Variants in NRG1 observed in about 807,000 individuals in gnomAD.
NRG1 encodes the protein pro-neuregulin-1, membrane-bound isoform.
A neutral mutation model predicts 63.8 loss-of-function variants in NRG1; 18 were observed. That is an observed-to-expected ratio of 0.28 (90% confidence interval 0.19 to 0.42). The LOEUF (loss-of-function observed/expected upper bound fraction) is 0.42, where lower values mean the gene tolerates loss of function less well. Ranked by LOEUF, NRG1 falls within the 10% of genes least tolerant of loss-of-function variation. The pLI is 1.00. For missense variants in NRG1, 762 were observed against 814.7 expected, an observed-to-expected ratio of 0.94 and a Z score of 0.79; for synonymous variants, 302 against 301.3, an observed-to-expected ratio of 1.00 and a Z score of -0.02.
At chr8:31,995,623 C>T (rs1256328411) in intron 1 of NRG1, among the ~76,000 whole-genome samples, 3 of 151,682 alleles carry the variant, frequency 2.0e-5, no homozygotes, top group East Asian at 2.0e-4. Flanking sequence ...GATCGTTGGG[C>T]GGGGAGGGGG....
At chr8:32,402,868 A>G (rs1184172920) in intron 1 of NRG1, among the ~76,000 whole-genome samples, 2 of 152,222 alleles carry the variant, frequency 1.3e-5, no homozygotes, top group African/African-American at 4.8e-5. Flanking sequence ...GGTTTCAGGC[A>G]TCCACTGGGT....
intron 1 of NRG1, among the ~76,000 whole-genome samples, chr8:32,208,383 G>A (rs2132357419): frequency 6.6e-6 from 1 of 151,156 alleles, no homozygotes; most frequent in Admixed American, 6.6e-5. Flanking sequence ...TCAGCCTCCC[G>A]AGTAGCTGGA....
chr8:31,892,452 G>T (rs1016694871), intron 1 of NRG1, among the ~76,000 whole-genome samples: 1 of 151,990 alleles, frequency 6.6e-6, no homozygotes, highest in Non-Finnish European at 1.5e-5. Flanking sequence ...CAGATAAATT[G>T]GTATCTGTGT....
chr8:32,533,349 G>T (rs1255308905), intron 1 of NRG1, among the ~76,000 whole-genome samples: 2 of 151,894 alleles, frequency 1.3e-5, no homozygotes, highest in Admixed American at 6.6e-5. Context: ...ACAATAAAAT[G>T]GATTTAATTA....
chr8:32,636,966 T>C (rs933189527), intron 5 of NRG1, among the ~76,000 whole-genome samples: 1 of 152,122 alleles, frequency 6.6e-6, no homozygotes, highest in Non-Finnish European at 1.5e-5. Flanking sequence ...AATGTAGCAT[T>C]GGTGGATTAT....
chr8:32,100,426 T>C (rs1369530445), intron 1 of NRG1, among the ~76,000 whole-genome samples: 4 of 152,214 alleles, frequency 2.6e-5, no homozygotes, highest in African/African-American at 9.6e-5. Flanking sequence ...CTGAAATTCT[T>C]ATCAGTTAAA....
intron 1 of NRG1, among the ~76,000 whole-genome samples, chr8:32,522,738 T>A (rs1028947963): frequency 1.3e-5 from 2 of 152,192 alleles, no homozygotes; most frequent in Admixed American, 6.5e-5. Flanking sequence ...TCTTTCCTAT[T>A]GTTAAAAACA....
chr8:32,341,622 A>C (rs1322426532), intron 1 of NRG1, among the ~76,000 whole-genome samples: 4 of 152,152 alleles, frequency 2.6e-5, no homozygotes, highest in African/African-American at 7.2e-5. Context: ...CCACATAGGC[A>C]CAGGCAGGGG....
At chr8:32,625,908 C>T (rs1032623695) in intron 5 of NRG1, among the ~76,000 whole-genome samples, 7 of 151,568 alleles carry the variant, frequency 4.6e-5, no homozygotes, top group Non-Finnish European at 7.4e-5. Flanking sequence ...ATTCTTTTGC[C>T]TCAGCTTCCC....
At chr8:32,137,188 G>A (rs1835645809) in intron 1 of NRG1, among the ~76,000 whole-genome samples, 1 of 152,134 alleles carries the variant, frequency 6.6e-6, no homozygotes, top group African/African-American at 2.4e-5. Context: ...GCTCATGCCT[G>A]TAGTCCCAGC....
At chr8:32,755,540 G>A (rs994022842) in intron 8 of NRG1, among the ~76,000 whole-genome samples, 14 of 151,958 alleles carry the variant, frequency 9.2e-5, no homozygotes, top group Admixed American at 5.9e-4. Flanking sequence ...CTCAATATTC[G>A]CTGCCTAATT....
At chr8:32,286,995 T>G (rs1282350075) in intron 1 of NRG1, 1 of 152,462 alleles carries the variant, frequency 6.6e-6, no homozygotes, top group Non-Finnish European at 1.5e-5. Flanking sequence ...AGACTCCATC[T>G]GAAAACAAAA....
In NRG1 at chr8:32,061,529, T is replaced by C. The variant is rs199618157; in HGVS notation, c.37+422098T>C. Among the ~76,000 whole-genome samples, 24 of 152,044 alleles carry C rather than the reference T, an allele frequency of 1.6e-4. No homozygotes were observed. In the East Asian group the frequency reaches 4.5e-3, roughly 28 times the overall value. ...CGCCTTCCACTTGTGATCTGTAAAA[T>C]ATATATACTGGTTGGTTATGTGCAA... On this transcript the variant is annotated intron_variant, in intron 1 of 10. Coordinates refer to the NRG1 transcript ENST00000519301.
intron 5 of NRG1, among the ~76,000 whole-genome samples, chr8:32,636,373 C>T (rs1804937156): frequency 6.6e-6 from 1 of 152,142 alleles, no homozygotes; most frequent in Non-Finnish European, 1.5e-5. Flanking sequence ...CTTTGTACTG[C>T]ATCATACATA....
At chr8:32,554,570 C>G (rs1424264533) in intron 1 of NRG1, among the ~76,000 whole-genome samples, 1 of 152,048 alleles carries the variant, frequency 6.6e-6, no homozygotes, top group African/African-American at 2.4e-5. Context: ...TTTAAAAAAG[C>G]CTCTGCAGTA....
At chr8:32,756,637 C>A (rs952328149) in intron 9 of NRG1, 108 bp downstream of exon 9, 1 of 1,394,778 alleles carries the variant, frequency 7.2e-7, no homozygotes. Flanking sequence ...CCATTAATCA[C>A]CATGGCTTCC....
chr8:32,730,283 A>G (rs28623175), intron 6 of NRG1, among the ~76,000 whole-genome samples: 17,076 of 151,968 alleles, frequency 0.11, 1,041 homozygotes, highest in African/African-American at 0.12. Flanking sequence ...CACCATTGCT[A>G]CAAAAAATAC....
chr8:32,262,388 A>G (rs971206202), intron 1 of NRG1, among the ~76,000 whole-genome samples: 3 of 152,148 alleles, frequency 2.0e-5, no homozygotes, highest in African/African-American at 7.2e-5. Flanking sequence ...GACCCCCCCA[A>G]AAAATGCTGG....
At chr8:32,339,220 A>G (rs549817298) in intron 1 of NRG1, among the ~76,000 whole-genome samples, 1 of 152,258 alleles carries the variant, frequency 6.6e-6, no homozygotes, top group South Asian at 2.1e-4. Flanking sequence ...AGTTGAATAT[A>G]CACCCATGGT....
Sources: allele counts gnomAD v4.1 joint callset (sites outside exome capture counted in the v4.1 genomes callset), GRCh38; gene constraint gnomAD v4.1.1; transcripts MANE v1.5; gene names NCBI Gene and HGNC (gene_info 2026-07-23, HGNC 2026-07-21).